Variants in DNAJC5B observed in about 807,000 individuals in gnomAD.
DNAJC5B encodes the protein DnaJ heat shock protein family (Hsp40) member C5 beta.
Under a neutral mutation model 24.7 loss-of-function variants are expected in DNAJC5B, and 23 were observed. That is an observed-to-expected ratio of 0.93 (90% CI 0.67 to 1.32). The LOEUF (loss-of-function observed/expected upper bound fraction) is 1.32. Ranked by LOEUF, DNAJC5B falls within the 40% of genes most tolerant of loss-of-function variation. The probability of loss-of-function intolerance (pLI) is 0.00; values close to 1 mark genes in which losing one functional copy is unlikely to be tolerated. For synonymous variants in DNAJC5B, 101 were observed against 90.1 expected (o/e 1.12, Z -0.68); for missense variants, 238 against 240.8 (o/e 0.99, Z 0.08).
intron 3 of DNAJC5B, among the ~76,000 whole-genome samples, chr8:66,069,344 G>A (rs951108739): frequency 1.3e-5 from 2 of 151,864 alleles, no homozygotes; most frequent in African/African-American, 2.4e-5. Context: ...TAAGAATACA[G>A]AAAATTTGAA....
intron 5 of DNAJC5B, among the ~76,000 whole-genome samples, chr8:66,087,358 G>A (rs183516077): frequency 1.3e-5 from 2 of 152,252 alleles, no homozygotes; most frequent in African/African-American, 4.8e-5. Flanking sequence ...AACTCATGGA[G>A]ATTACAATTT....
intron 5 of DNAJC5B, among the ~76,000 whole-genome samples, chr8:66,090,756 A>G (rs1807830305): frequency 6.6e-6 from 1 of 152,114 alleles, no homozygotes; most frequent in African/African-American, 2.4e-5. Context: ...ATCACATCTT[A>G]CTGCCCAGGA....
intron 5 of DNAJC5B, among the ~76,000 whole-genome samples, chr8:66,082,071 C>T (rs1586109972): frequency 6.6e-6 from 1 of 152,210 alleles, no homozygotes; most frequent in Non-Finnish European, 1.5e-5. Context: ...ATCCTAGCAT[C>T]TGAATCCTAT....
At chr8:66,083,634 C>T (rs1304724907) in intron 5 of DNAJC5B, among the ~76,000 whole-genome samples, 3 of 152,148 alleles carry the variant, frequency 2.0e-5, no homozygotes, top group Non-Finnish European at 4.4e-5. Context: ...GTAACATCAC[C>T]TCTGGTTTAG....
chr8:66,099,896 C>G, intron 5 of DNAJC5B, 41 bp from the exon 6 acceptor site: 1 of 1,565,986 alleles, frequency 6.4e-7, no homozygotes, highest in Non-Finnish European at 8.8e-7. Context: ...AGAACTGTAA[C>G]ATGATGAGAG....
rs750992260 is a variant in DNAJC5B, at chr8:66,051,623, C to G, written c.76C>G (p.Leu26Val). Residue 26 changes from leucine (L) to valine (V), a missense_variant, in exon 3 of 6, where the codon CTG becomes GTG. Coordinates refer to ENST00000276570, the MANE Select transcript of DNAJC5B (RefSeq NM_033105.6). The part of the protein sequence containing the change: ...TGEALYEILG[L>V]HKGASNEEIK... ...AGAAGCTCTATACGAAATTCTTGGT[C>G]TGCATAAGGGAGCATCAAATGAAGA... 6.2e-7 allele frequency: 1 copy of G among 1,614,018 alleles called. No homozygotes were observed. The highest frequency in any genetic ancestry group is 8.5e-7 in the Non-Finnish European group (1 of 1,180,026).
At chr8:66,031,086 C>T (rs1806351182) in intron 1 of DNAJC5B, among the ~76,000 whole-genome samples, 1 of 152,162 alleles carries the variant, frequency 6.6e-6, no homozygotes, top group African/African-American at 2.4e-5. Flanking sequence ...AGCAGACAGT[C>T]AGGTTTGCAT....
intron 5 of DNAJC5B, 68 bp downstream of exon 5, chr8:66,080,616 G>T: frequency 7.2e-7 from 1 of 1,383,258 alleles, no homozygotes; most frequent in African/African-American, 1.5e-5. Flanking sequence ...CAGGTCCCAC[G>T]GGGACAGCTA....
intron 3 of DNAJC5B, among the ~76,000 whole-genome samples, chr8:66,062,505 A>G (rs1807105325): frequency 6.6e-6 from 1 of 152,264 alleles, no homozygotes; most frequent in South Asian, 2.1e-4. Context: ...GTTTTTATTT[A>G]CACCAATACA....
intron 1 of DNAJC5B, among the ~76,000 whole-genome samples, chr8:66,033,799 CATA>C: frequency 8.5e-6 from 1 of 117,904 alleles, no homozygotes; most frequent in Admixed American, 1.0e-4. Flanking sequence ...TTTTTGGTAG[CATA>C]AAGGGTAAAT....
intron 1 of DNAJC5B, among the ~76,000 whole-genome samples, chr8:66,034,888 T>A (rs1242896249): frequency 2.0e-5 from 3 of 152,176 alleles, no homozygotes; most frequent in Non-Finnish European, 4.4e-5. Context: ...ATGCTCAGAT[T>A]TGAAATTGGA....
chr8:66,031,754 G>A (rs561115439), intron 1 of DNAJC5B, among the ~76,000 whole-genome samples: 3 of 152,216 alleles, frequency 2.0e-5, no homozygotes, highest in South Asian at 2.1e-4. Context: ...CAGCTGATTC[G>A]ATGATGGCCA....
At chr8:66,062,220 T>C (rs994045612) in intron 3 of DNAJC5B, among the ~76,000 whole-genome samples, 14 of 152,388 alleles carry the variant, frequency 9.2e-5, no homozygotes, top group African/African-American at 3.4e-4. Flanking sequence ...TCCTCGATTA[T>C]AGTCTCAGCT....
chr8:66,067,235 C>T (rs1300242487), intron 3 of DNAJC5B, among the ~76,000 whole-genome samples: 1 of 124,266 alleles, frequency 8.0e-6, no homozygotes, highest in Non-Finnish European at 1.6e-5. Flanking sequence ...AAAGCATTTG[C>T]GAGTAAAGAA....
chr8:66,041,916 C>T (rs773321833), intron 1 of DNAJC5B, among the ~76,000 whole-genome samples: 2 of 152,274 alleles, frequency 1.3e-5, no homozygotes, highest in African/African-American at 2.4e-5. Flanking sequence ...GACTTAAGCA[C>T]GTAGGACCTT....
intron 1 of DNAJC5B, among the ~76,000 whole-genome samples, chr8:66,032,061 C>T (rs1178451707): frequency 6.6e-6 from 1 of 152,238 alleles, no homozygotes; most frequent in Non-Finnish European, 1.5e-5. Flanking sequence ...AATGTTTGCA[C>T]ATTTTAGAGA....
At chr8:66,038,774 T>C (rs956551529) in intron 1 of DNAJC5B, among the ~76,000 whole-genome samples, 2 of 152,246 alleles carry the variant, frequency 1.3e-5, no homozygotes, top group Non-Finnish European at 2.9e-5. Flanking sequence ...TGTTTATGTT[T>C]TGTCAAACAA....
intron 3 of DNAJC5B, among the ~76,000 whole-genome samples, chr8:66,073,532 A>G (rs1178256475): frequency 7.9e-5 from 12 of 151,954 alleles, no homozygotes. Context: ...TAAATTGACA[A>G]GCTAATTCTA....
intron 3 of DNAJC5B, among the ~76,000 whole-genome samples, chr8:66,052,564 C>A (rs896743704): frequency 2.6e-5 from 4 of 152,134 alleles, no homozygotes. Context: ...CAAAAAAAAT[C>A]ATCTTCTTCT....
Sources: gnomAD v4.1 joint callset for allele counts (sites outside exome capture counted in the v4.1 genomes callset) on GRCh38, gnomAD v4.1.1 for gene constraint, MANE v1.5 for transcripts, NCBI Gene and HGNC (gene_info 2026-07-23, HGNC 2026-07-21) for gene names.